Variants in RAD51B observed in about 807,000 individuals in gnomAD.
RAD51B encodes DNA repair protein RAD51 homolog 2.
In RAD51B, 38 loss-of-function variants were observed where a neutral mutation model predicts 42.2. That is an observed-to-expected ratio of 0.90 (90% CI 0.70 to 1.18). The LOEUF is 1.18. Among genes scored for constraint, RAD51B ranks in the 50% most tolerant of loss-of-function variants. The pLI is 0.00. For missense variants in RAD51B, 373 were observed against 400.7 expected (o/e 0.93, Z 0.59); for synonymous variants, 154 against 145.2 (o/e 1.06, Z -0.43).
intron 10 of RAD51B, among the ~76,000 whole-genome samples, chr14:68,554,114 A>T (rs192573459): frequency 1.3e-5 from 2 of 152,324 alleles, no homozygotes; most frequent in Admixed American, 1.3e-4. Context: ...AGAAAGGGTG[A>T]TGATATGTGT....
intron 11 of RAD51B, among the ~76,000 whole-genome samples, chr14:68,678,152 C>T (rs1041184506): frequency 3.9e-5 from 6 of 152,192 alleles, no homozygotes; most frequent in Non-Finnish European, 7.3e-5. Context: ...ATGGCGGGGC[C>T]TGGATTTGAA....
chr14:68,496,999 T>C (rs891831105), intron 10 of RAD51B: 18 of 913,542 alleles, frequency 2.0e-5, no homozygotes, highest in Non-Finnish European at 2.6e-5. Flanking sequence ...ACAAACAGAA[T>C]GGGGGCATGA....
intron 8 of RAD51B, among the ~76,000 whole-genome samples, chr14:68,398,240 G>A (rs2083984363): frequency 1.3e-5 from 2 of 152,214 alleles, no homozygotes; most frequent in South Asian, 4.1e-4. Flanking sequence ...ACGGGAATAA[G>A]GATTGTATCC....
At chr14:68,432,444 G>T (rs1264712307) in intron 9 of RAD51B, among the ~76,000 whole-genome samples, 1 of 152,180 alleles carries the variant, frequency 6.6e-6, no homozygotes, top group East Asian at 1.9e-4. Flanking sequence ...CCTGTATTGG[G>T]TGCATATATA....
chr14:68,215,090 A>G (rs1192087000), intron 7 of RAD51B, among the ~76,000 whole-genome samples: 1 of 152,218 alleles, frequency 6.6e-6, no homozygotes, highest in African/African-American at 2.4e-5. Context: ...ATTGCCTCAA[A>G]TGACAAAGAT....
chr14:68,379,682 A>C (rs540350979), intron 8 of RAD51B, among the ~76,000 whole-genome samples: 1 of 152,218 alleles, frequency 6.6e-6, no homozygotes, highest in East Asian at 1.9e-4. Context: ...TGTGGTCAGG[A>C]TACATCTGAA....
At chr14:68,399,851 T>A (rs1006518372) in intron 8 of RAD51B, among the ~76,000 whole-genome samples, 4 of 152,210 alleles carry the variant, frequency 2.6e-5, no homozygotes, top group Non-Finnish European at 2.9e-5. Context: ...CCCAATAATG[T>A]ACTCTATGGC....
At chr14:68,039,448 G>T (rs1378013423) in intron 7 of RAD51B, among the ~76,000 whole-genome samples, 5 of 138,192 alleles carry the variant, frequency 3.6e-5, no homozygotes, top group Non-Finnish European at 6.2e-5. Flanking sequence ...AAAAAAAAAA[G>T]TGTGTTATAT....
At chr14:67,855,947 T>G (rs2041984560) in intron 4 of RAD51B, among the ~76,000 whole-genome samples, 1 of 152,372 alleles carries the variant, frequency 6.6e-6, no homozygotes, top group South Asian at 2.1e-4. Flanking sequence ...TACAGACATT[T>G]AGCATATGCG....
chr14:68,313,366 C>T (rs1158075075), intron 8 of RAD51B, among the ~76,000 whole-genome samples: 1 of 152,184 alleles, frequency 6.6e-6, no homozygotes, highest in Non-Finnish European at 1.5e-5. Flanking sequence ...ATCTGAAGTT[C>T]CTCTTGATTA....
intron 9 of RAD51B, among the ~76,000 whole-genome samples, chr14:68,455,610 C>A (rs983681128): frequency 6.6e-6 from 1 of 152,070 alleles, no homozygotes; most frequent in Non-Finnish European, 1.5e-5. Context: ...GTCCCAGCTA[C>A]TCGGGAGGCT....
chr14:68,113,936 GT>G (rs1180566773), intron 7 of RAD51B: 1 of 152,116 alleles, frequency 6.6e-6, no homozygotes, highest in Non-Finnish European at 1.5e-5. Context: ...CATTCATGAG[GT>G]TTCTCTGAAG....
intron 7 of RAD51B, among the ~76,000 whole-genome samples, chr14:67,932,541 G>A (rs1483023907): frequency 1.3e-5 from 2 of 152,136 alleles, no homozygotes; most frequent in Admixed American, 6.5e-5. Flanking sequence ...CTCCCCAGGT[G>A]GCTTGCTCAG....
intron 8 of RAD51B, among the ~76,000 whole-genome samples, chr14:68,384,556 G>A (rs982369356): frequency 6.6e-6 from 1 of 152,184 alleles, no homozygotes; most frequent in African/African-American, 2.4e-5. Context: ...GTACACTCAC[G>A]TCATTTATCA....
intron 7 of RAD51B, among the ~76,000 whole-genome samples, chr14:68,251,110 T>C (rs564020675): frequency 6.6e-6 from 1 of 151,834 alleles, no homozygotes; most frequent in Non-Finnish European, 1.5e-5. Context: ...CTGTTTGGAG[T>C]CATTGACAAG....
intron 7 of RAD51B, among the ~76,000 whole-genome samples, chr14:68,041,160 C>G (rs1460723426): frequency 1.3e-5 from 2 of 152,256 alleles, no homozygotes; most frequent in East Asian, 3.9e-4. Context: ...CCTTTGCTCT[C>G]TCTCCTGTTC....
intron 8 of RAD51B, among the ~76,000 whole-genome samples, chr14:68,295,343 A>G (rs957460176): frequency 1.3e-5 from 2 of 152,106 alleles, no homozygotes; most frequent in Non-Finnish European, 2.9e-5. Flanking sequence ...AAATTTAATA[A>G]GGGTGGTGGG....
intron 7 of RAD51B, among the ~76,000 whole-genome samples, chr14:67,922,613 G>T (rs1408659409): frequency 1.3e-5 from 2 of 148,742 alleles, no homozygotes; most frequent in African/African-American, 5.0e-5. Flanking sequence ...ACATGGATAA[G>T]TTCCTTAGTG....
chr14:67,963,031 A>G (rs1166494268), intron 7 of RAD51B, among the ~76,000 whole-genome samples: 1 of 152,152 alleles, frequency 6.6e-6, no homozygotes, highest in African/African-American at 2.4e-5. Context: ...CTTTTTCACA[A>G]TTAATGTTTC....
Sources: allele counts gnomAD v4.1 joint callset (sites outside exome capture counted in the v4.1 genomes callset), GRCh38; gene constraint gnomAD v4.1.1; transcripts MANE v1.5; gene names NCBI Gene and HGNC (gene_info 2026-07-23, HGNC 2026-07-21).